Variants in LRP1B observed in about 807,000 individuals in gnomAD.
LRP1B encodes LDL receptor related protein 1B, also known as low-density lipoprotein receptor-related protein 1B.
In LRP1B, 217 loss-of-function variants were observed where a neutral mutation model predicts 556.6. That is an observed-to-expected ratio of 0.39 (90% confidence interval 0.35 to 0.44). LRP1B has a LOEUF of 0.44. Among genes scored for constraint, LRP1B ranks in the 20% least tolerant of loss-of-function variants. LRP1B has a pLI of 1.00. For missense variants in LRP1B, 5,053 were observed against 5,620.8 expected (o/e 0.90, Z 3.23); for synonymous variants, 2,047 against 1,865.8 (o/e 1.10, Z -2.50).
chr2:141,009,185 T>C (rs181773324), intron 14 of LRP1B, among the ~76,000 whole-genome samples: 1 of 151,614 alleles, frequency 6.6e-6, no homozygotes, highest in Admixed American at 6.6e-5. Flanking sequence ...ACTATGGGGA[T>C]TCTCTTTTTT....
chr2:140,509,062 G>GCA (rs754019204), intron 52 of LRP1B, among the ~76,000 whole-genome samples: 13 of 103,650 alleles, frequency 1.3e-4, no homozygotes, highest in African/African-American at 4.1e-4. Context: ...ACATACCCCT[G>GCA]CACACACACA....
At chr2:141,072,875 C>T (rs1202269040) in intron 7 of LRP1B, among the ~76,000 whole-genome samples, 1 of 152,046 alleles carries the variant, frequency 6.6e-6, no homozygotes, top group African/African-American at 2.4e-5. Flanking sequence ...TTCCTCTCCT[C>T]TTGTAAGACA....
At chr2:141,411,381 A>G (rs1386523646) in intron 3 of LRP1B, among the ~76,000 whole-genome samples, 1 of 152,164 alleles carries the variant, frequency 6.6e-6, no homozygotes, top group Non-Finnish European at 1.5e-5. Flanking sequence ...ATAAACTTGG[A>G]AAGCATGGGA....
Position 141,107,303 on chromosome 2 carries a change from CAG to C in LRP1B, c.1014-45032_1014-45031del, listed in dbSNP as rs1264985360. The stretch of plus-strand genomic sequence containing the variant: ...TTTATGCACTATATAATTTTCAAAA[CAG>C]AAAAATTTTAGTATCCATCTTTGAA... On this transcript the variant is annotated intron_variant, in intron 7 of 90. Coordinates refer to ENST00000389484, the MANE Select transcript of LRP1B (RefSeq NM_018557.3). Among the ~76,000 whole-genome samples the C allele has an allele frequency of 2.6e-5, 4 of 151,928 alleles. 1 individual carries two copies. The East Asian group carries it at 7.7e-4, about 29-fold the overall frequency.
chr2:140,485,180 C>T (rs1222158139), intron 59 of LRP1B, among the ~76,000 whole-genome samples, 163 bp downstream of exon 59: 1 of 152,060 alleles, frequency 6.6e-6, no homozygotes, highest in Non-Finnish European at 1.5e-5. Context: ...TTATTCCTTT[C>T]ATTGTGATAA....
chr2:141,425,849 T>G (rs1165949246), intron 3 of LRP1B, among the ~76,000 whole-genome samples: 1 of 150,802 alleles, frequency 6.6e-6, no homozygotes, highest in Non-Finnish European at 1.5e-5. Flanking sequence ...GGTTGCAAAA[T>G]TTTTCTCCCA....
At chr2:141,497,690 A>C (rs1683557716) in intron 2 of LRP1B, among the ~76,000 whole-genome samples, 1 of 152,032 alleles carries the variant, frequency 6.6e-6, no homozygotes, top group Non-Finnish European at 1.5e-5. Context: ...AAAGAGTTGA[A>C]TAGGTGTCCA....
At chr2:140,583,648 A>C (rs1049215045) in intron 43 of LRP1B, among the ~76,000 whole-genome samples, 18 of 152,088 alleles carry the variant, frequency 1.2e-4, no homozygotes, top group African/African-American at 4.1e-4. Flanking sequence ...TTCTTTTAGT[A>C]ATTTAACAAT....
rs938486975 is a variant in LRP1B, at chr2:140,868,338, A to T, written c.4170-75T>A. 7.4e-6 allele frequency: 10 copies of T among 1,359,530 alleles called. No homozygotes were observed. The African/African-American group carries it at 1.5e-4, about 20-fold the overall frequency. 84.2% of individuals were successfully genotyped at this position (1,359,530 alleles called of 1,614,324 possible). ...TTTCACAGATATTTATTGAGTGCCTACCATATGCTAGGCACTGGATAGGTG... is the reference window on the plus strand; with the variant it reads ...TTTCACAGATATTTATTGAGTGCCTTCCATATGCTAGGCACTGGATAGGTG... On this transcript the variant is annotated intron_variant, in intron 25 of 90. Transcript: ENST00000389484.
chr2:141,394,481 AT>A (rs1472086474), intron 3 of LRP1B, among the ~76,000 whole-genome samples: 1 of 152,108 alleles, frequency 6.6e-6, no homozygotes, highest in Non-Finnish European at 1.5e-5. Context: ...GTTAAAAAAA[AT>A]CTTTTGAAAT....
At chr2:141,277,427 G>A (rs1685344738) in intron 3 of LRP1B, among the ~76,000 whole-genome samples, 1 of 152,242 alleles carries the variant, frequency 6.6e-6, no homozygotes, top group Non-Finnish European at 1.5e-5. Context: ...TGTTGGCCAC[G>A]TGTATGTCTT....
intron 20 of LRP1B, among the ~76,000 whole-genome samples, chr2:140,943,550 C>G (rs1573906450): frequency 1.3e-5 from 2 of 151,920 alleles, no homozygotes; most frequent in African/African-American, 4.8e-5. Context: ...TTTAAAAAAT[C>G]AAAATCATAC....
At chr2:141,397,243 G>A (rs1182124895) in intron 3 of LRP1B, among the ~76,000 whole-genome samples, 2 of 151,324 alleles carry the variant, frequency 1.3e-5, no homozygotes, top group Non-Finnish European at 2.9e-5. Flanking sequence ...TCTACAGTAG[G>A]TATAATAGGA....
chr2:141,334,595 A>T (rs1687778631), intron 3 of LRP1B, among the ~76,000 whole-genome samples: 1 of 152,232 alleles, frequency 6.6e-6, no homozygotes, highest in African/African-American at 2.4e-5. Context: ...TTTGTCACCC[A>T]GGCTGGAGTG....
At chr2:140,570,759 A>C (rs1681293703) in intron 43 of LRP1B, among the ~76,000 whole-genome samples, 4 of 151,888 alleles carry the variant, frequency 2.6e-5, no homozygotes, top group African/African-American at 9.7e-5. Flanking sequence ...TATCAGTACA[A>C]AAATTCTCAA....
At chr2:140,432,655 C>T (rs1332703235) in intron 66 of LRP1B, among the ~76,000 whole-genome samples, 3 of 152,172 alleles carry the variant, frequency 2.0e-5, no homozygotes, top group Non-Finnish European at 4.4e-5. Context: ...CTAATTCCAA[C>T]AGCACTAACT....
intron 3 of LRP1B, among the ~76,000 whole-genome samples, chr2:141,478,090 T>C (rs924307464): frequency 3.3e-5 from 5 of 152,186 alleles, no homozygotes; most frequent in Non-Finnish European, 5.9e-5. Flanking sequence ...CCTAATCCAA[T>C]ATATATGTCA....
chr2:140,717,592 A>T (rs750601734), intron 35 of LRP1B, among the ~76,000 whole-genome samples: 1 of 152,138 alleles, frequency 6.6e-6, no homozygotes, highest in Non-Finnish European at 1.5e-5. Context: ...TAGTAATTAC[A>T]GGCCAATGAT....
intron 82 of LRP1B, among the ~76,000 whole-genome samples, chr2:140,321,045 CTCTG>C (rs1452937423): frequency 6.6e-6 from 1 of 152,040 alleles, no homozygotes; most frequent in Non-Finnish European, 1.5e-5. Flanking sequence ...GACAGCAACA[CTCTG>C]TCTCAGTAAG....
Sources: allele counts gnomAD v4.1 joint callset (sites outside exome capture counted in the v4.1 genomes callset), GRCh38; gene constraint gnomAD v4.1.1; transcripts MANE v1.5; gene names NCBI Gene and HGNC (gene_info 2026-07-23, HGNC 2026-07-21).